ZFYVE28: variants seen among roughly 807,000 people sequenced by gnomAD.
ZFYVE28 encodes the protein zinc finger FYVE-type containing 28, also known as lateral signaling target protein 2 homolog.
Under a neutral mutation model 82.1 loss-of-function variants are expected in ZFYVE28, and 40 were observed. The ratio of observed to expected loss-of-function variants is 0.49; its 90% CI spans 0.38 to 0.63. ZFYVE28 has a LOEUF of 0.63. Ranked by LOEUF, ZFYVE28 falls within the 30% of genes least tolerant of loss-of-function variation. The pLI, the probability that ZFYVE28 is intolerant of heterozygous loss-of-function variation, is 0.00. For missense variants in ZFYVE28, 1,321 were observed against 1,242.1 expected, an observed-to-expected ratio of 1.06 and a Z score of -0.96; for synonymous variants, 612 against 546.1, an observed-to-expected ratio of 1.12 and a Z score of -1.68.
chr4:2,360,017 C>T (rs150152037), intron 1 of ZFYVE28, among the ~76,000 whole-genome samples: 12 of 152,308 alleles, frequency 7.9e-5, no homozygotes, highest in Admixed American at 4.6e-4. Flanking sequence ...CCCGGACAAG[C>T]GCACGGCGTC....
chr4:2,321,957 A>G (rs1278746559), intron 6 of ZFYVE28, among the ~76,000 whole-genome samples: 1 of 152,186 alleles, frequency 6.6e-6, no homozygotes, highest in Non-Finnish European at 1.5e-5. Flanking sequence ...GAACTCGTTC[A>G]TCAGGAGGCT....
chr4:2,412,759 A>G (rs1732650642), intron 1 of ZFYVE28, among the ~76,000 whole-genome samples: 1 of 152,208 alleles, frequency 6.6e-6, no homozygotes, highest in East Asian at 1.9e-4. Context: ...TCACACATTT[A>G]GAGCAAGCAC....
chr4:2,297,523 G>T (rs1473112905), intron 8 of ZFYVE28, among the ~76,000 whole-genome samples: 2 of 152,240 alleles, frequency 1.3e-5, no homozygotes, highest in Non-Finnish European at 2.9e-5. Context: ...TGCAATGCCT[G>T]ATGCCACCCG....
intron 8 of ZFYVE28, among the ~76,000 whole-genome samples, chr4:2,284,157 C>T (rs780590208): frequency 6.6e-6 from 1 of 152,192 alleles, no homozygotes; most frequent in African/African-American, 2.4e-5. Context: ...AGCATGTGGC[C>T]ACACAAGACC....
intron 1 of ZFYVE28, among the ~76,000 whole-genome samples, chr4:2,386,025 G>A (rs1024420057): frequency 1.1e-4 from 16 of 152,200 alleles, no homozygotes; most frequent in African/African-American, 2.4e-4. Context: ...AATCCCAAAT[G>A]TCTCTTTTCT....
At chr4:2,383,551 G>A (rs1010986470) in intron 1 of ZFYVE28, among the ~76,000 whole-genome samples, 8 of 152,168 alleles carry the variant, frequency 5.3e-5, no homozygotes, top group Non-Finnish European at 8.8e-5. Flanking sequence ...TAGTGGCAGC[G>A]CACTTATCCC....
chr4:2,288,923 AC>A (rs1414391399), intron 8 of ZFYVE28, among the ~76,000 whole-genome samples: 1 of 152,160 alleles, frequency 6.6e-6, no homozygotes, highest in Non-Finnish European at 1.5e-5. Context: ...CCATGATTGC[AC>A]CACTGCACTC....
rs568789236 is a variant in ZFYVE28 at position 2,335,622 on chromosome 4, C to T, written c.701+83G>A. 1.6e-5 allele frequency: 21 copies of T among 1,341,188 alleles called. No homozygotes were observed. The highest frequency in any genetic ancestry group is 7.6e-5 in the South Asian group (6 of 78,934). 83.1% of individuals were successfully genotyped at this position (1,341,188 alleles called of 1,614,324 possible). On this transcript the variant is annotated intron_variant, in intron 6 of 12. Transcript: ENST00000290974. The surrounding 1 kb of genome is among the most constrained non-coding windows in gnomAD (Gnocchi z 5.8). Reference sequence around the variant, plus strand: ...ACCGTGAGGTGGAGACGCCATGGACCGGCACCCGCACGGGACCTGGCACCA... The same window carrying T: ...ACCGTGAGGTGGAGACGCCATGGACTGGCACCCGCACGGGACCTGGCACCA...
intron 6 of ZFYVE28, among the ~76,000 whole-genome samples, chr4:2,327,521 T>C (rs638010): frequency 0.84 from 127,703 of 151,272 alleles, 54,655 homozygotes; most frequent in African/African-American, 0.96. Flanking sequence ...GTGGGCTTCT[T>C]GTTATATATG....
At chr4:2,280,932 G>A (rs1432905113) in intron 8 of ZFYVE28, among the ~76,000 whole-genome samples, 1 of 152,250 alleles carries the variant, frequency 6.6e-6, no homozygotes, top group Non-Finnish European at 1.5e-5. Context: ...ACGTTCAACA[G>A]AGAGTTGAGT....
chr4:2,292,650 C>T (rs1713912096), intron 8 of ZFYVE28, among the ~76,000 whole-genome samples: 1 of 152,210 alleles, frequency 6.6e-6, no homozygotes, highest in African/African-American at 2.4e-5. Flanking sequence ...GCTAGAAAGA[C>T]ATTGATTTTG....
rs145634295 is a variant in ZFYVE28 at position 2,282,508 on chromosome 4, C to T, written c.2052-8292G>A. 2.0e-3 allele frequency among the ~76,000 whole-genome samples: 308 copies of T among 152,246 alleles called. 1 individual carries two copies. Among genetic ancestry groups the T allele is most frequent in the Non-Finnish European group, 3.6e-3 (245 of 68,024 alleles). On this transcript the variant is annotated intron_variant, in intron 8 of 12. Coordinates refer to ENST00000290974, the MANE Select transcript of ZFYVE28 (RefSeq NM_020972.3). Reference sequence around the variant, plus strand: ...TCTGAGATGTTGGGAACATGGAACACGTCTGAATTCAGCAATTGGATAGAG... The same window carrying T: ...TCTGAGATGTTGGGAACATGGAACATGTCTGAATTCAGCAATTGGATAGAG...
chr4:2,401,579 T>C (rs1731184895), intron 1 of ZFYVE28, among the ~76,000 whole-genome samples: 1 of 152,072 alleles, frequency 6.6e-6, no homozygotes, highest in Admixed American at 6.5e-5. Context: ...CTGTGAGTTC[T>C]GAGCCAAGGA....
chr4:2,364,786 C>A (rs1357640321), intron 1 of ZFYVE28: 3 of 985,436 alleles, frequency 3.0e-6, no homozygotes, highest in African/African-American at 1.7e-5. Flanking sequence ...AAGGCGCCCA[C>A]GGCCTCCGAG....
chr4:2,273,929 C>T (rs1736153164), intron 9 of ZFYVE28, 133 bp downstream of exon 9: 2 of 1,030,276 alleles, frequency 1.9e-6, no homozygotes, highest in South Asian at 1.5e-5. Context: ...GGAGTGCTGG[C>T]TCCTTAGGGG....
Position 2,304,733 on chromosome 4 carries a change from G to C in ZFYVE28, c.1607C>G (p.Ala536Gly). The change falls in exon 8 of 13, where the codon GCC (alanine) becomes GGC (glycine). Residue 536 changes from alanine to glycine, a missense_variant. Transcript: ENST00000290974. ...CCCCTCGGCCACGGGCTCCGAGGCG[G>C]CCTCCTGGGTGGCGACCGCAGAGTC... ...SLDSAVATQE[A>G]ASEPVAEGMD... The C allele has an allele frequency of 6.2e-7, 1 of 1,612,684 alleles. No homozygotes were observed. The highest frequency in any genetic ancestry group is 8.5e-7 in the Non-Finnish European group (1 of 1,179,940).
chr4:2,409,717 G>A lies in ZFYVE28; in HGVS notation c.39+8568C>T, dbSNP rs1029296464. 2.0e-5 allele frequency among the ~76,000 whole-genome samples: 3 copies of A among 152,246 alleles called. No individual in the cohort carries two copies. The highest frequency in any genetic ancestry group is 6.5e-5 in the Admixed American group (1 of 15,290). ...GGGGTGGGGGGGCTGACCCCTGCGG[G>A]CAGCTCTGTGGGAGGAGGTCGGTTT... On this transcript the variant is annotated intron_variant, in intron 1 of 12. Coordinates refer to ENST00000290974, the MANE Select transcript of ZFYVE28 (RefSeq NM_020972.3). The surrounding 1 kb of genome is among the most constrained non-coding windows in gnomAD (Gnocchi z 4.4).
intron 7 of ZFYVE28, among the ~76,000 whole-genome samples, chr4:2,306,370 G>C (rs1716569298): frequency 6.6e-6 from 1 of 152,248 alleles, no homozygotes; most frequent in African/African-American, 2.4e-5. Context: ...ACTTTCATAA[G>C]CTGAATCCAC....
intron 1 of ZFYVE28, among the ~76,000 whole-genome samples, chr4:2,403,555 C>T (rs563696581): frequency 3.2e-4 from 49 of 152,152 alleles, no homozygotes; most frequent in Admixed American, 1.3e-3. Context: ...CAGGGCACTC[C>T]GCTCACCAGG....
Sources: gnomAD v4.1 joint callset for allele counts (sites outside exome capture counted in the v4.1 genomes callset) on GRCh38, gnomAD v4.1.1 for gene constraint, Gnocchi (gnomAD v3.1) non-coding constraint, MANE v1.5 for transcripts, NCBI Gene and HGNC (gene_info 2026-07-23, HGNC 2026-07-21) for gene names.